Variants in SLC30A7 observed in about 807,000 individuals in gnomAD.
SLC30A7 encodes zinc transporter 7.
SLC30A7 carries 35 observed loss-of-function variants against 46.0 expected under a neutral mutation model. The ratio of observed to expected loss-of-function variants is 0.76; its 90% CI spans 0.58 to 1.01. SLC30A7 has a LOEUF of 1.01. Ranked by LOEUF, SLC30A7 falls within the 50% of genes least tolerant of loss-of-function variation. The probability of loss-of-function intolerance (pLI) is 0.00; values close to 1 mark genes in which losing one functional copy is unlikely to be tolerated. For synonymous variants in SLC30A7, 147 were observed against 157.8 expected, an observed-to-expected ratio of 0.93 and a Z score of 0.51; for missense variants, 464 against 451.1, an observed-to-expected ratio of 1.03 and a Z score of -0.26.
intron 8 of SLC30A7, among the ~76,000 whole-genome samples, chr1:100,948,653 C>T (rs1229069418): frequency 1.3e-5 from 2 of 152,150 alleles, no homozygotes; most frequent in Non-Finnish European, 2.9e-5. Flanking sequence ...AACTTTGTTC[C>T]ATTCTTCCTG....
At chr1:100,970,378 C>A (rs1232572847) in intron 10 of SLC30A7, among the ~76,000 whole-genome samples, 1 of 152,020 alleles carries the variant, frequency 6.6e-6, no homozygotes, top group Non-Finnish European at 1.5e-5. Context: ...AGTTTTGTGA[C>A]TATATCTTAG....
chr1:100,956,688 C>T (rs985193271), intron 8 of SLC30A7, among the ~76,000 whole-genome samples: 17 of 152,122 alleles, frequency 1.1e-4, no homozygotes, highest in Middle Eastern at 3.2e-3. Context: ...TTATTCACAC[C>T]TATTGCTTAA....
intron 8 of SLC30A7, among the ~76,000 whole-genome samples, chr1:100,959,338 A>T: frequency 6.6e-6 from 1 of 152,222 alleles, no homozygotes; most frequent in East Asian, 1.9e-4. Flanking sequence ...AGTACCCAAA[A>T]ACCTAGTAGC....
intron 2 of SLC30A7, among the ~76,000 whole-genome samples, chr1:100,898,806 A>ATC (rs1651129941): frequency 6.6e-6 from 1 of 152,134 alleles, no homozygotes; most frequent in Non-Finnish European, 1.5e-5. Flanking sequence ...CAGTTCCTTG[A>ATC]TTAAATTTCT....
chr1:100,904,870 A>C (rs1651548198), intron 2 of SLC30A7, among the ~76,000 whole-genome samples: 1 of 152,182 alleles, frequency 6.6e-6, no homozygotes, highest in East Asian at 1.9e-4. Context: ...CCTCAACCTC[A>C]GGGGTATGAT....
Position 100,939,843 on chromosome 1 carries a change from C to T in SLC30A7, c.842+18002C>T, listed in dbSNP as rs949255960. Among the ~76,000 whole-genome samples the T allele has an allele frequency of 1.6e-4, 24 of 147,094 alleles. No homozygotes were observed. In the East Asian group the frequency reaches 3.7e-3, roughly 23 times the overall value. ...CAGCCTGGGCAACAGAGTGAGACTC[C>T]GTCTAAAAAAAAAAAAAACAGCAAC... is the stretch of plus-strand genomic sequence containing the variant. On this transcript the variant is annotated intron_variant, in intron 8 of 10. Transcript: ENST00000357650.
intron 10 of SLC30A7, among the ~76,000 whole-genome samples, chr1:100,968,135 G>A (rs1303602345): frequency 2.0e-5 from 3 of 152,056 alleles, no homozygotes; most frequent in Non-Finnish European, 4.4e-5. Context: ...GGGTTCACAG[G>A]TATTTATTGT....
chr1:100,915,248 T>TCTTTCTTTATTTCTTTCTTC (rs1557981494), intron 6 of SLC30A7, among the ~76,000 whole-genome samples: 1 of 137,330 alleles, frequency 7.3e-6, no homozygotes, highest in African/African-American at 2.7e-5. Context: ...TTTCTTTCTT[T>TCTTTCTTTATTTCTTTCTTC]CTTTCTTCCT....
At chr1:100,961,949 T>G in intron 9 of SLC30A7, 31 bp downstream of exon 9, 1 of 1,341,880 alleles carries the variant, frequency 7.5e-7, no homozygotes, top group Non-Finnish European at 1.0e-6. Context: ...ACCATTGGAT[T>G]TTATGCTGTT....
chr1:100,912,892 T>G (rs1323337044), intron 5 of SLC30A7, among the ~76,000 whole-genome samples: 3 of 108,462 alleles, frequency 2.8e-5, no homozygotes, highest in Non-Finnish European at 6.4e-5. Context: ...AAAAAAAAAG[T>G]GTGTGTGTTT....
At chr1:100,965,007 G>T (rs1000171075) in intron 9 of SLC30A7, among the ~76,000 whole-genome samples, 5 of 152,082 alleles carry the variant, frequency 3.3e-5, no homozygotes, top group African/African-American at 1.2e-4. Context: ...AAATATTTTT[G>T]ATAGATATAA....
chr1:100,961,804 A>AAATT (rs745868734), intron 8 of SLC30A7, 24 bp from the exon 9 acceptor site: 65 of 1,451,606 alleles, frequency 4.5e-5, no homozygotes, highest in Non-Finnish European at 6.2e-5. Flanking sequence ...GACTTTAATA[A>AAATT]ATTGTTGTCT....
At chr1:100,993,963 C>T in the SLC30A7 span, among the ~76,000 whole-genome samples, 3 of 151,796 alleles carry the variant, frequency 2.0e-5, no homozygotes, top group Non-Finnish European at 2.9e-5. Flanking sequence ...AGGCTGGTCT[C>T]GAACTGCTGA....
intron 7 of SLC30A7, among the ~76,000 whole-genome samples, chr1:100,920,345 C>T (rs1281530138): frequency 2.0e-5 from 3 of 151,798 alleles, no homozygotes; most frequent in African/African-American, 7.3e-5. Flanking sequence ...GTTAAAGTGG[C>T]CCCAACATTA....
downstream of SLC30A7, among the ~76,000 whole-genome samples, chr1:100,985,496 C>T (rs930263682): frequency 6.6e-6 from 1 of 152,090 alleles, no homozygotes; most frequent in South Asian, 2.1e-4. Flanking sequence ...TTAAAGGAAC[C>T]ACACCACCTG....
chr1:100,946,755 G>A (rs1654665692), intron 8 of SLC30A7, among the ~76,000 whole-genome samples: 1 of 151,894 alleles, frequency 6.6e-6, no homozygotes, highest in Non-Finnish European at 1.5e-5. Context: ...TCTTTTTTTT[G>A]TAGTGTCTCT....
chr1:100,912,733 A>C (rs767873186), intron 5 of SLC30A7, among the ~76,000 whole-genome samples: 4 of 151,892 alleles, frequency 2.6e-5, no homozygotes, highest in African/African-American at 4.8e-5. Context: ...AACAAAAAAA[A>C]CAGGCATGAT....
At chr1:100,897,479 A>G (rs1651043459) in intron 2 of SLC30A7, among the ~76,000 whole-genome samples, 1 of 152,194 alleles carries the variant, frequency 6.6e-6, no homozygotes, top group Non-Finnish European at 1.5e-5. Context: ...GATGAAAGCC[A>G]ATACTCAGAA....
intron 8 of SLC30A7, among the ~76,000 whole-genome samples, chr1:100,929,049 A>G (rs139135814): frequency 6.6e-6 from 1 of 152,094 alleles, no homozygotes; most frequent in Non-Finnish European, 1.5e-5. Context: ...TGTCTAAACT[A>G]CGCATTTATC....
Sources: allele counts gnomAD v4.1 joint callset (sites outside exome capture counted in the v4.1 genomes callset), GRCh38; gene constraint gnomAD v4.1.1; transcripts MANE v1.5; gene names NCBI Gene and HGNC (gene_info 2026-07-23, HGNC 2026-07-21).